The following FAM117B variants were observed in gnomAD, a reference collection of about 807,000 sequenced individuals.
The protein encoded by FAM117B is family with sequence similarity 117 member B, also known as protein FAM117B.
FAM117B carries 22 observed loss-of-function variants against 52.8 expected under a neutral mutation model. The observed-to-expected ratio is 0.42, with a 90% CI of 0.30 to 0.59. The LOEUF (loss-of-function observed/expected upper bound fraction) is 0.59. FAM117B is among the 20% of genes least tolerant of loss of function. FAM117B has a pLI of 0.22. For missense variants in FAM117B, 678 were observed against 802.6 expected, an observed-to-expected ratio of 0.84 and a Z score of 1.88; for synonymous variants, 309 against 324.1, an observed-to-expected ratio of 0.95 and a Z score of 0.50.
rs555111875 is a variant in FAM117B, at chr2:202,695,675, T to C, written c.602-206T>C. Among the ~76,000 whole-genome samples the C allele has an allele frequency of 2.6e-5, 4 of 152,338 alleles. No individual in the cohort carries two copies. In the South Asian group the frequency reaches 6.2e-4, roughly 24 times the overall value. On this transcript the variant is annotated intron_variant, in intron 1 of 7. Transcript: ENST00000392238. Reference sequence around the variant, plus strand: ...TACAAGTTAAACTTTATCATAGATATGTATATATAGGAAAAAACAGTGTAT... The same window carrying C: ...TACAAGTTAAACTTTATCATAGATACGTATATATAGGAAAAAACAGTGTAT...
intron 4 of FAM117B, among the ~76,000 whole-genome samples, chr2:202,739,772 AT>A (rs1272789641): frequency 6.6e-6 from 1 of 152,006 alleles, no homozygotes. Flanking sequence ...TCTATTGTTA[AT>A]TGTTCTTATT....
chr2:202,754,048 A>G (rs1333410406), intron 4 of FAM117B, among the ~76,000 whole-genome samples: 1 of 152,234 alleles, frequency 6.6e-6, no homozygotes, highest in Non-Finnish European at 1.5e-5. Flanking sequence ...AGGGTTATAA[A>G]TCATTCTACT....
chr2:202,680,796 C>T (rs1422867960), intron 1 of FAM117B, among the ~76,000 whole-genome samples: 2 of 152,034 alleles, frequency 1.3e-5, no homozygotes, highest in Admixed American at 1.3e-4. Context: ...ACATACAAAA[C>T]CTGAGAGTAA....
intron 2 of FAM117B, among the ~76,000 whole-genome samples, chr2:202,720,720 A>G (rs1691139613): frequency 6.6e-6 from 1 of 152,112 alleles, no homozygotes; most frequent in Admixed American, 6.5e-5. Context: ...TTAATTTAGA[A>G]CAGGTCATTC....
At chr2:202,687,805 T>C (rs957692187) in intron 1 of FAM117B, among the ~76,000 whole-genome samples, 24 of 152,230 alleles carry the variant, frequency 1.6e-4, no homozygotes, top group African/African-American at 5.8e-4. Context: ...CCTTATCTTT[T>C]TGATACTATG....
intron 1 of FAM117B, among the ~76,000 whole-genome samples, chr2:202,673,431 C>CTGTTTTTT (rs1690328461): frequency 3.2e-5 from 1 of 31,188 alleles, no homozygotes; most frequent in Non-Finnish European, 5.9e-5. Context: ...TTTTCTTTTT[C>CTGTTTTTT]TGTTTTTTTT....
intron 2 of FAM117B, among the ~76,000 whole-genome samples, chr2:202,715,145 G>T (rs1691025793): frequency 6.6e-6 from 1 of 151,104 alleles, no homozygotes; most frequent in Non-Finnish European, 1.5e-5. Flanking sequence ...GGACGGGGCG[G>T]CTGGCCGGGC....
At chr2:202,663,283 T>G (rs1181704760) in intron 1 of FAM117B, among the ~76,000 whole-genome samples, 2 of 152,244 alleles carry the variant, frequency 1.3e-5, no homozygotes, top group African/African-American at 4.8e-5. Flanking sequence ...TTGCAGAAAT[T>G]GAACTTTTGA....
chr2:202,715,359 C>T (rs1691033557), intron 2 of FAM117B, among the ~76,000 whole-genome samples: 2 of 152,102 alleles, frequency 1.3e-5, no homozygotes, highest in Admixed American at 1.3e-4. Context: ...CTCCTCACTT[C>T]CCAGACGGGG....
Position 202,757,383 on chromosome 2 carries a change from T to G in FAM117B, c.1275T>G (p.Gly425=). 6.2e-7 allele frequency: 1 copy of G among 1,614,058 alleles called. No individual in the cohort carries two copies. Among genetic ancestry groups the G allele is most frequent in the East Asian group, 2.2e-5 (1 of 44,872 alleles). The change falls in exon 6 of 8, where the codon GGT becomes GGG. Residue 425 remains glycine (G), a synonymous_variant. Transcript: ENST00000392238. ...CGTTCCTCACCATTTCCAATGAAGG[T>G]AGCGAGGAGAGTCCTTGCTCAGCGG... ...PTSFLTISNE[G]SEESPCSADD...
At chr2:202,663,375 T>C (rs1351906772) in intron 1 of FAM117B, among the ~76,000 whole-genome samples, 1 of 152,222 alleles carries the variant, frequency 6.6e-6, no homozygotes, top group African/African-American at 2.4e-5. Flanking sequence ...AACTTTATTA[T>C]AGGAAATAGT....
At chr2:202,677,211 G>T (rs1172071229) in intron 1 of FAM117B, among the ~76,000 whole-genome samples, 1 of 152,068 alleles carries the variant, frequency 6.6e-6, no homozygotes, top group African/African-American at 2.4e-5. Context: ...GGGATTACAG[G>T]CACGCACCAC....
chr2:202,682,342 G>A (rs999580953), intron 1 of FAM117B, among the ~76,000 whole-genome samples: 1 of 151,984 alleles, frequency 6.6e-6, no homozygotes. Context: ...GTTTCCCCTC[G>A]GGCTTCAAGG....
chr2:202,662,140 ATGTG>A (rs1254868757), intron 1 of FAM117B, among the ~76,000 whole-genome samples: 1 of 141,722 alleles, frequency 7.1e-6, no homozygotes, highest in Non-Finnish European at 1.6e-5. Context: ...GTGTGTGTGT[ATGTG>A]TGTATGTGTG....
At chr2:202,743,929 T>C (rs1490669610) in intron 4 of FAM117B, among the ~76,000 whole-genome samples, 2 of 152,086 alleles carry the variant, frequency 1.3e-5, no homozygotes, top group Non-Finnish European at 2.9e-5. Flanking sequence ...GAAGAAGAGA[T>C]GGTCAAAGGC....
Position 202,635,267 on chromosome 2 carries a change from G to C in FAM117B, c.80G>C (p.Gly27Ala). Residue 27 changes from glycine (G) to alanine (A), a missense_variant, in exon 1 of 8, where the codon GGA becomes GCA. Gly to Ala is a moderately conservative substitution (Grantham distance 60, BLOSUM62 0). Coordinates refer to ENST00000392238, the MANE Select transcript of FAM117B (RefSeq NM_173511.4). ...LGGGAVATAGGPGSRLQPMRA... is the reference protein window; with the variant it reads ...LGGGAVATAGAPGSRLQPMRA... ...GGTGGTGCGGTGGCCACGGCCGGGG[G>C]ACCCGGGAGCCGCTTGCAGCCCATG... 7.2e-7 allele frequency: 1 copy of C among 1,388,680 alleles called. No individual in the cohort carries two copies. Among genetic ancestry groups the C allele is most frequent in the Non-Finnish European group, 9.4e-7 (1 of 1,068,902 alleles). The allele number at this position is 1,388,680 out of a possible 1,614,324, so 86.0% of individuals were successfully genotyped here.
intron 2 of FAM117B, among the ~76,000 whole-genome samples, chr2:202,697,504 C>T (rs1032703991): frequency 7.9e-5 from 12 of 151,422 alleles, no homozygotes; most frequent in Non-Finnish European, 1.5e-4. Flanking sequence ...TTCAGATTTA[C>T]GTTACTCCTG....
intron 1 of FAM117B, among the ~76,000 whole-genome samples, chr2:202,666,929 G>A (rs1415098824): frequency 6.6e-6 from 1 of 151,944 alleles, no homozygotes; most frequent in African/African-American, 2.4e-5. Flanking sequence ...ACAGGTGTGA[G>A]CCACCACGCC....
chr2:202,636,222 A>G (rs1278217151), intron 1 of FAM117B, among the ~76,000 whole-genome samples: 2 of 152,336 alleles, frequency 1.3e-5, no homozygotes, highest in Non-Finnish European at 2.9e-5. Flanking sequence ...GCTGCTAAGT[A>G]TTTCTGTTCA....
Sources: gnomAD v4.1 joint callset for allele counts (sites outside exome capture counted in the v4.1 genomes callset) on GRCh38, gnomAD v4.1.1 for gene constraint, MANE v1.5 for transcripts, NCBI Gene and HGNC (gene_info 2026-07-23, HGNC 2026-07-21) for gene names.